The following C3orf22 variants were observed in gnomAD, a reference collection of about 807,000 sequenced individuals.
The protein encoded by C3orf22 is chromosome 3 open reading frame 22.
A neutral mutation model predicts 10.8 loss-of-function variants in C3orf22; 7 were observed. The observed-to-expected ratio is 0.65, with a 90% CI of 0.37 to 1.22. C3orf22 has a LOEUF of 1.22. C3orf22 is among the 50% of genes most tolerant of loss of function. The probability of loss-of-function intolerance (pLI) is 0.02; values close to 1 mark genes in which losing one functional copy is unlikely to be tolerated. For missense variants in C3orf22, 173 were observed against 177.0 expected, an observed-to-expected ratio of 0.98 and a Z score of 0.13; for synonymous variants, 79 against 78.9, an observed-to-expected ratio of 1.00 and a Z score of 0.00.
At chr3:126,557,201 C>T (rs901296454) in intron 1 of C3orf22, among the ~76,000 whole-genome samples, 2 of 152,226 alleles carry the variant, frequency 1.3e-5, no homozygotes, top group African/African-American at 4.8e-5. Context: ...TGTGGCTGGC[C>T]TCAGCTCTGT....
intron 4 of C3orf22, among the ~76,000 whole-genome samples, chr3:126,535,017 C>T (rs1216447928): frequency 6.8e-6 from 1 of 146,926 alleles, no homozygotes; most frequent in East Asian, 2.1e-4. Context: ...GCATCCCTGT[C>T]CTCAGCCAGG....
At chr3:126,542,605 G>A (rs1247227108) in intron 4 of C3orf22, 3 of 1,447,116 alleles carry the variant, frequency 2.1e-6, no homozygotes, top group African/African-American at 3.0e-5. Context: ...GTGGCCACGC[G>A]GGGCAAGTGC....
chr3:126,548,115 C>A (rs1397922991), downstream of C3orf22, among the ~76,000 whole-genome samples: 1 of 152,242 alleles, frequency 6.6e-6, no homozygotes, highest in Non-Finnish European at 1.5e-5. Flanking sequence ...CTGCCTCAGC[C>A]TCCTGAGTAG....
intron 4 of C3orf22, among the ~76,000 whole-genome samples, chr3:126,535,471 A>G (rs530764341): frequency 1.5e-4 from 22 of 151,148 alleles, no homozygotes; most frequent in African/African-American, 4.6e-4. Flanking sequence ...GACAGACAGT[A>G]TCGCTGTCCT....
rs1484752196 is a variant in C3orf22 at position 126,549,864 on chromosome 3, G to T, written c.*4C>A. 1.2e-6 allele frequency: 2 copies of T among 1,608,794 alleles called. No individual in the cohort carries two copies. Among genetic ancestry groups the T allele is most frequent in the Non-Finnish European group, 1.7e-6 (2 of 1,177,026 alleles). ...ATAAGAAGGCCACACACAGAGCCCA[G>T]TCTCTAGGAGAGGCCCCTGGACAGC... is the stretch of plus-strand genomic sequence containing the variant. On this transcript the variant is annotated 3_prime_UTR_variant, in exon 4 of 4. Transcript: ENST00000318225.
At chr3:126,530,064 C>T (rs1222816647) in intron 4 of C3orf22, among the ~76,000 whole-genome samples, 2 of 152,220 alleles carry the variant, frequency 1.3e-5, no homozygotes, top group African/African-American at 2.4e-5. Flanking sequence ...GGGCCAGCCC[C>T]CAGCTGGCCA....
intron 4 of C3orf22, chr3:126,543,149 C>T (rs913803825): frequency 1.3e-5 from 2 of 152,260 alleles, no homozygotes; most frequent in Admixed American, 1.3e-4. Flanking sequence ...CAGGCGCCAC[C>T]TTCGGTCTCA....
At chr3:126,541,507 C>A (rs1271831616) in intron 4 of C3orf22, among the ~76,000 whole-genome samples, 1 of 152,226 alleles carries the variant, frequency 6.6e-6, no homozygotes. Flanking sequence ...GCGTCCTTCT[C>A]CCAGCCTCAG....
At chr3:126,554,227 G>C (rs1014164738) in intron 1 of C3orf22, among the ~76,000 whole-genome samples, 3 of 148,354 alleles carry the variant, frequency 2.0e-5, no homozygotes, top group Non-Finnish European at 4.4e-5. Context: ...TGCCCAGGCT[G>C]TACATACATT....
At chr3:126,553,278 T>A (rs745431394) in intron 2 of C3orf22, 24 bp downstream of exon 2, 2 of 1,549,290 alleles carry the variant, frequency 1.3e-6, no homozygotes, top group Non-Finnish European at 1.8e-6. Context: ...AGGGCTTGTC[T>A]CCAGAGGTGT....
At chr3:126,533,215 C>G (rs1936694716) in intron 4 of C3orf22, among the ~76,000 whole-genome samples, 1 of 152,040 alleles carries the variant, frequency 6.6e-6, no homozygotes, top group South Asian at 2.1e-4. Context: ...AACCTGGATG[C>G]CTTTTATTTA....
chr3:126,534,644 G>A (rs139824030), intron 4 of C3orf22, among the ~76,000 whole-genome samples: 1,671 of 147,640 alleles, frequency 0.011, 19 homozygotes, highest in African/African-American at 0.04. Flanking sequence ...GTCCTCAGCC[G>A]GGAGACAGAT....
At chr3:126,556,057 G>A (rs1377429636) in intron 1 of C3orf22, among the ~76,000 whole-genome samples, 1 of 152,256 alleles carries the variant, frequency 6.6e-6, no homozygotes, top group East Asian at 1.9e-4. Context: ...CCTCAGCCTA[G>A]AGGATTGTGC....
In C3orf22 at chr3:126,541,744, G is replaced by T; in HGVS notation, c.286+7793C>A. On this transcript the variant is annotated intron_variant and NMD_transcript_variant, in intron 4 of 5. Transcript: ENST00000505070. ...CCTGTCGCCCACAGGACCCGCGCTC[G>T]ACCCTGGCGAAGGTGCACCGGCAGC... The T allele has an allele frequency of 2.0e-6, 3 of 1,485,808 alleles. No homozygotes were observed. The East Asian group carries it at 7.9e-5, about 39-fold the overall frequency. The allele number at this position is 1,485,808 out of a possible 1,614,324, so 92.0% of individuals were successfully genotyped here. A position where few individuals can be genotyped will look rare whatever the true frequency, so the allele number is the denominator to read the frequency against.
rs372410123 is a variant in C3orf22, at chr3:126,539,932, C to T, written c.286+9605G>A. ...ATACACCACACACACCACACACCCG[C>T]CACACATGCCACACCTGCCACACAT... On this transcript the variant is annotated intron_variant and NMD_transcript_variant, in intron 4 of 5. Transcript: ENST00000505070. Among the ~76,000 whole-genome samples, 114 of 147,544 alleles carry T rather than the reference C, an allele frequency of 7.7e-4. 1 individual carries two copies. Among genetic ancestry groups the T allele is most frequent in the African/African-American group, 2.8e-3 (110 of 39,644 alleles).
At chr3:126,544,741 C>T (rs1404175904), downstream of C3orf22, among the ~76,000 whole-genome samples, 1 of 152,236 alleles carries the variant, frequency 6.6e-6, no homozygotes, top group Non-Finnish European at 1.5e-5. Flanking sequence ...GTCATGCCCT[C>T]AGCACCTGGA....
At chr3:126,547,174 G>A (rs1937082581), downstream of C3orf22, among the ~76,000 whole-genome samples, 1 of 152,212 alleles carries the variant, frequency 6.6e-6, no homozygotes, top group South Asian at 2.1e-4. Flanking sequence ...AAGGGCACAT[G>A]GGGACCCAGA....
intron 3 of C3orf22, among the ~76,000 whole-genome samples, chr3:126,551,641 G>A (rs6782739): frequency 0.86 from 131,645 of 152,196 alleles, 57,366 homozygotes; most frequent in Middle Eastern, 0.95. Flanking sequence ...GCCCAGTGCA[G>A]CCACAGTGAG....
At chr3:126,541,660 C>T (rs1936958389) in intron 4 of C3orf22, 1 of 1,323,744 alleles carries the variant, frequency 7.6e-7, no homozygotes, top group Non-Finnish European at 9.8e-7. Flanking sequence ...CGCATCCCGC[C>T]GGGGCAGCGC....
Sources: allele counts gnomAD v4.1 joint callset (sites outside exome capture counted in the v4.1 genomes callset), GRCh38; gene constraint gnomAD v4.1.1; transcripts MANE v1.5; gene names NCBI Gene and HGNC (gene_info 2026-07-23, HGNC 2026-07-21).